NRXN3: variants seen among roughly 807,000 people sequenced by gnomAD.
The protein encoded by NRXN3 is neurexin III.
In NRXN3, 32 loss-of-function variants were observed where a neutral mutation model predicts 137.6. The ratio of observed to expected loss-of-function variants is 0.23; its 90% CI spans 0.18 to 0.31. The LOEUF (loss-of-function observed/expected upper bound fraction) is 0.31, where lower values mean the gene tolerates loss of function less well. Among genes scored for constraint, NRXN3 ranks in the 10% least tolerant of loss-of-function variants. The pLI, the probability that NRXN3 is intolerant of heterozygous loss-of-function variation, is 1.00. For synonymous variants in NRXN3, 798 were observed against 784.5 expected (o/e 1.02, Z -0.29); for missense variants, 1,574 against 2,062.5 (o/e 0.76, Z 4.59).
chr14:79,263,867 G>A (rs905603471), intron 15 of NRXN3, among the ~76,000 whole-genome samples: 2 of 152,078 alleles, frequency 1.3e-5, no homozygotes, highest in Non-Finnish European at 2.9e-5. Context: ...ACACCACCTT[G>A]GAGGTGGGCA....
intron 20 of NRXN3, among the ~76,000 whole-genome samples, chr14:79,810,567 T>C (rs1262310668): frequency 6.6e-6 from 1 of 152,240 alleles, no homozygotes; most frequent in Non-Finnish European, 1.5e-5. Flanking sequence ...TATTCACATT[T>C]GCATTTCGGT....
rs569855024 is a variant in NRXN3 at position 79,365,725 on chromosome 14, C to CAAAAAAAAAAAAAAAAAA, written c.3263-101494_3263-101477dup. 1.7e-3 allele frequency among the ~76,000 whole-genome samples: 70 copies of CAAAAAAAAAAAAAAAAAA among 42,320 alleles called. 1 individual carries two copies. The highest frequency in any genetic ancestry group is 2.6e-3 in the Admixed American group (7 of 2,734). The allele number at this position is 42,320 out of a possible 152,430, so 27.8% of individuals were successfully genotyped here. Reference sequence around the variant, plus strand: ...TGGGCGACAGAGCGAGACTCTGTCTCAAAAAAAAAAAAAAAAAAAGAAAAA... The same window carrying CAAAAAAAAAAAAAAAAAA: ...TGGGCGACAGAGCGAGACTCTGTCTCAAAAAAAAAAAAAAAAAAAAAAAAAAAAAAAAAAAAAGAAAAA... On this transcript the variant is annotated intron_variant, in intron 15 of 20. Coordinates refer to ENST00000335750, the MANE Select transcript of NRXN3 (RefSeq NM_001330195.2).
At chr14:79,377,799 G>T (rs991798903) in intron 15 of NRXN3, among the ~76,000 whole-genome samples, 2 of 152,254 alleles carry the variant, frequency 1.3e-5, no homozygotes, top group African/African-American at 4.8e-5. Flanking sequence ...CCTTCTGTAG[G>T]TTTGTATTGG....
At chr14:78,535,375 T>C (rs1289262030) in intron 4 of NRXN3, among the ~76,000 whole-genome samples, 1 of 152,232 alleles carries the variant, frequency 6.6e-6, no homozygotes, top group East Asian at 1.9e-4. Context: ...TTCATACCTA[T>C]GTTATTCTTA....
intron 8 of NRXN3, among the ~76,000 whole-genome samples, chr14:78,728,174 G>A (rs771127525): frequency 3.9e-5 from 6 of 152,224 alleles, no homozygotes; most frequent in Admixed American, 2.6e-4. Context: ...TTGTAGCTGA[G>A]AGTAAGATGC....
chr14:78,947,224 C>T (rs1390517710), intron 10 of NRXN3, among the ~76,000 whole-genome samples: 1 of 152,202 alleles, frequency 6.6e-6, no homozygotes. Context: ...CTAATGCCAT[C>T]AAGCTCATAA....
At chr14:78,305,952 C>T (rs2077330000) in intron 4 of NRXN3, among the ~76,000 whole-genome samples, 1 of 152,074 alleles carries the variant, frequency 6.6e-6, no homozygotes, top group Non-Finnish European at 1.5e-5. Flanking sequence ...TTGATTTTAG[C>T]AGCTCTGTGT....
intron 4 of NRXN3, among the ~76,000 whole-genome samples, chr14:78,349,041 G>A (rs557870216): frequency 1.3e-4 from 20 of 152,336 alleles, no homozygotes; most frequent in African/African-American, 4.3e-4. Context: ...GTTTTGAAGC[G>A]TTGAGAGCCT....
intron 15 of NRXN3, among the ~76,000 whole-genome samples, chr14:79,304,563 C>A (rs949048914): frequency 2.6e-5 from 4 of 152,016 alleles, no homozygotes; most frequent in African/African-American, 7.2e-5. Flanking sequence ...AGAATGCAGA[C>A]CTAATACAAA....
chr14:79,204,163 A>C (rs549411620), intron 15 of NRXN3, among the ~76,000 whole-genome samples: 1 of 152,218 alleles, frequency 6.6e-6, no homozygotes, highest in African/African-American at 2.4e-5. Flanking sequence ...CAAAGAAAAA[A>C]GATTTCCATT....
At chr14:78,310,865 G>C (rs542603704) in intron 4 of NRXN3, among the ~76,000 whole-genome samples, 2 of 152,248 alleles carry the variant, frequency 1.3e-5, no homozygotes, top group South Asian at 2.1e-4. Context: ...CAAGGCTGCT[G>C]AGAGGATCTA....
At chr14:79,194,851 C>T (rs947255380) in intron 15 of NRXN3, among the ~76,000 whole-genome samples, 1 of 152,174 alleles carries the variant, frequency 6.6e-6, no homozygotes, top group Non-Finnish European at 1.5e-5. Context: ...TTTTCAAATT[C>T]TCAGCTTCTG....
intron 15 of NRXN3, among the ~76,000 whole-genome samples, chr14:79,386,981 C>T (rs1174529438): frequency 1.3e-5 from 2 of 152,152 alleles, no homozygotes; most frequent in African/African-American, 2.4e-5. Flanking sequence ...AAATGTTAGA[C>T]CTAAAACCAT....
intron 16 of NRXN3, among the ~76,000 whole-genome samples, chr14:79,634,180 G>A (rs1567730573): frequency 6.6e-6 from 1 of 152,168 alleles, no homozygotes; most frequent in Non-Finnish European, 1.5e-5. Flanking sequence ...GAGAAAACAG[G>A]GTGGCTAGCC....
At chr14:78,910,798 C>G (rs61994003) in intron 10 of NRXN3, among the ~76,000 whole-genome samples, 2 of 152,098 alleles carry the variant, frequency 1.3e-5, no homozygotes, top group African/African-American at 2.4e-5. Flanking sequence ...CAACCAGAAT[C>G]GTGCCTAGCA....
chr14:78,502,999 TTG>T (rs1205651689), intron 4 of NRXN3, among the ~76,000 whole-genome samples: 1 of 152,170 alleles, frequency 6.6e-6, no homozygotes, highest in Non-Finnish European at 1.5e-5. Flanking sequence ...AGGATAAATT[TTG>T]TGTTAGAGGA....
At chr14:78,440,176 G>T (rs2094197646) in intron 4 of NRXN3, among the ~76,000 whole-genome samples, 1 of 152,226 alleles carries the variant, frequency 6.6e-6, no homozygotes, top group Non-Finnish European at 1.5e-5. Flanking sequence ...TTCCTGCATA[G>T]TTGCTAATGA....
intron 4 of NRXN3, among the ~76,000 whole-genome samples, chr14:78,388,719 T>C (rs1337208268): frequency 6.6e-6 from 1 of 152,092 alleles, no homozygotes; most frequent in East Asian, 1.9e-4. Flanking sequence ...AATAGAACAC[T>C]TGGAAAACAG....
intron 1 of NRXN3, among the ~76,000 whole-genome samples, chr14:78,220,889 A>G (rs1305777586): frequency 6.6e-6 from 1 of 151,928 alleles, no homozygotes; most frequent in African/African-American, 2.4e-5. Context: ...TTTTTTCAGT[A>G]AAAAAGGAGC....
Sources: allele counts gnomAD v4.1 joint callset (sites outside exome capture counted in the v4.1 genomes callset), GRCh38; gene constraint gnomAD v4.1.1; transcripts MANE v1.5; gene names NCBI Gene and HGNC (gene_info 2026-07-23, HGNC 2026-07-21).